METAP1: variants seen among roughly 807,000 people sequenced by gnomAD.
METAP1 encodes methionine aminopeptidase 1.
METAP1 carries 28 observed loss-of-function variants against 53.8 expected under a neutral mutation model. The ratio of observed to expected loss-of-function variants is 0.52; its 90% CI spans 0.39 to 0.71. METAP1 has a LOEUF of 0.71. METAP1 is among the 30% of genes least tolerant of loss of function. The pLI is 0.00. For synonymous variants in METAP1, 181 were observed against 165.7 expected, an observed-to-expected ratio of 1.09 and a Z score of -0.71; for missense variants, 389 against 479.8, an observed-to-expected ratio of 0.81 and a Z score of 1.77.
At chr4:99,045,406 A>G (rs749935938) in intron 8 of METAP1, 96 bp downstream of exon 8, 21 of 1,398,902 alleles carry the variant, frequency 1.5e-5, no homozygotes, top group Non-Finnish European at 1.8e-5. Context: ...TGTACCTTCC[A>G]GGTTGCCCCT....
At chr4:99,038,316 G>A (rs1403945889) in intron 4 of METAP1, among the ~76,000 whole-genome samples, 1 of 151,840 alleles carries the variant, frequency 6.6e-6, no homozygotes, top group Admixed American at 6.6e-5. Flanking sequence ...CCAGGACAGT[G>A]TTAAATAATA....
intron 8 of METAP1, among the ~76,000 whole-genome samples, chr4:99,047,407 C>T (rs1049236619): frequency 2.6e-5 from 4 of 152,166 alleles, no homozygotes; most frequent in Non-Finnish European, 4.4e-5. Context: ...AAGACTTCCT[C>T]TGTCACTCTT....
At chr4:99,047,271 C>T (rs1726336846) in intron 8 of METAP1, among the ~76,000 whole-genome samples, 2 of 152,150 alleles carry the variant, frequency 1.3e-5, no homozygotes, top group African/African-American at 4.8e-5. Flanking sequence ...AGATGTTCCA[C>T]AAGCATTCCT....
chr4:99,036,065 C>G (rs185948271), intron 4 of METAP1: 1 of 154,224 alleles, frequency 6.5e-6, no homozygotes, highest in Non-Finnish European at 1.5e-5. Context: ...AGACACCCAG[C>G]GAAGATAGGT....
chr4:99,049,688 A>G (rs1726545687), intron 9 of METAP1, among the ~76,000 whole-genome samples: 1 of 152,156 alleles, frequency 6.6e-6, no homozygotes, highest in South Asian at 2.1e-4. Flanking sequence ...CTTAGCACAT[A>G]TATTTTGAGC....
chr4:99,008,761 T>C (rs780038699), intron 1 of METAP1, among the ~76,000 whole-genome samples: 3 of 152,222 alleles, frequency 2.0e-5, no homozygotes, highest in Non-Finnish European at 4.4e-5. Context: ...GTGCTTGGTA[T>C]GTAGTAAAAT....
chr4:99,059,624 C>T (rs967720325), intron 10 of METAP1, among the ~76,000 whole-genome samples: 5 of 151,968 alleles, frequency 3.3e-5, no homozygotes, highest in Admixed American at 6.6e-5. Context: ...GAAGAAAGCT[C>T]GCAAATACAT....
intron 2 of METAP1, among the ~76,000 whole-genome samples, chr4:99,033,653 C>T (rs1197862332): frequency 6.6e-6 from 1 of 152,190 alleles, no homozygotes; most frequent in Admixed American, 6.5e-5. Context: ...TGCCTCTTTC[C>T]TTTACCCCTT....
At chr4:99,052,112 G>A (rs1335919306) in intron 9 of METAP1, among the ~76,000 whole-genome samples, 2 of 152,302 alleles carry the variant, frequency 1.3e-5, no homozygotes, top group East Asian at 1.9e-4. Flanking sequence ...TGCATAAAAA[G>A]TTATGTTTAT....
At chr4:99,056,147 G>T (rs537091098) in intron 9 of METAP1, among the ~76,000 whole-genome samples, 1 of 152,246 alleles carries the variant, frequency 6.6e-6, no homozygotes, top group South Asian at 2.1e-4. Flanking sequence ...CTCAAAGGGC[G>T]GGCAAATTTG....
chr4:99,049,654 C>T (rs1726543076), intron 9 of METAP1, among the ~76,000 whole-genome samples: 1 of 152,034 alleles, frequency 6.6e-6, no homozygotes, highest in Non-Finnish European at 1.5e-5. Flanking sequence ...GAAAGCTGTC[C>T]ACAGTAAGTG....
chr4:99,002,231 C>T (rs567094968), intron 1 of METAP1, among the ~76,000 whole-genome samples: 7 of 152,148 alleles, frequency 4.6e-5, no homozygotes, highest in Non-Finnish European at 7.3e-5. Context: ...AGCAGTGGCA[C>T]GGTAACTCCT....
chr4:99,032,708 G>A (rs932304884), intron 2 of METAP1, among the ~76,000 whole-genome samples: 1 of 152,148 alleles, frequency 6.6e-6, no homozygotes, highest in Non-Finnish European at 1.5e-5. Flanking sequence ...TATTCTTGAG[G>A]TTCATGTTTC....
chr4:99,040,135 C>T (rs1309991735), intron 5 of METAP1, among the ~76,000 whole-genome samples: 1 of 152,192 alleles, frequency 6.6e-6, no homozygotes, highest in African/African-American at 2.4e-5. Context: ...ATTTAGATGA[C>T]AATCCTTTTC....
chr4:99,023,837 G>C (rs1724326902), intron 1 of METAP1: 1 of 930,936 alleles, frequency 1.1e-6, no homozygotes, highest in Non-Finnish European at 1.3e-6. Flanking sequence ...CCTAGACAGA[G>C]CTGATTATCA....
intron 1 of METAP1, among the ~76,000 whole-genome samples, chr4:99,007,970 G>A (rs1723261936): frequency 6.6e-6 from 1 of 152,162 alleles, no homozygotes; most frequent in African/African-American, 2.4e-5. Flanking sequence ...CTCCTGTAAT[G>A]TCCTTGCCTT....
At chr4:99,001,632 A>G (rs1398995622) in intron 1 of METAP1, among the ~76,000 whole-genome samples, 1 of 152,192 alleles carries the variant, frequency 6.6e-6, no homozygotes, top group African/African-American at 2.4e-5. Flanking sequence ...TTATGGGTGT[A>G]CTGTCATTTG....
chr4:99,043,434 A>G (rs1211223016), intron 7 of METAP1, 47 bp downstream of exon 7: 1 of 1,534,116 alleles, frequency 6.5e-7, no homozygotes, highest in Non-Finnish European at 8.8e-7. Context: ...AGAAACAACA[A>G]AGCTTGGGGA....
intron 1 of METAP1, among the ~76,000 whole-genome samples, chr4:99,009,560 A>C (rs1480062326): frequency 6.6e-6 from 1 of 152,066 alleles, no homozygotes; most frequent in Non-Finnish European, 1.5e-5. Context: ...CATAGTAGTC[A>C]TCCTAATGGG....
Sources: gnomAD v4.1 joint callset for allele counts (sites outside exome capture counted in the v4.1 genomes callset) on GRCh38, gnomAD v4.1.1 for gene constraint, MANE v1.5 for transcripts, NCBI Gene and HGNC (gene_info 2026-07-23, HGNC 2026-07-21) for gene names.